The following ANKHD1 variants were observed in gnomAD, a reference collection of about 807,000 sequenced individuals.
ANKHD1 encodes the protein ankyrin repeat and KH domain containing 1, also known as ankyrin repeat and KH domain-containing protein 1.
ANKHD1 carries 31 observed loss-of-function variants against 230.5 expected under a neutral mutation model. The ratio of observed to expected loss-of-function variants is 0.13; its 90% CI spans 0.10 to 0.18. The LOEUF (loss-of-function observed/expected upper bound fraction) is 0.18, where lower values mean the gene tolerates loss of function less well. ANKHD1 is among the 10% of genes least tolerant of loss of function. ANKHD1 has a pLI of 1.00. For missense variants in ANKHD1, 2,256 were observed against 3,071.3 expected (o/e 0.73, Z 6.27); for synonymous variants, 1,074 against 1,117.6 (o/e 0.96, Z 0.78).
chr5:140,523,831 G>T (rs1333307835), intron 24 of ANKHD1, among the ~76,000 whole-genome samples: 2 of 151,332 alleles, frequency 1.3e-5, no homozygotes, highest in Non-Finnish European at 3.0e-5. Flanking sequence ...AAAGTGCTGG[G>T]ATTATAGGTG....
chr5:140,487,112 TA>T (rs770180813), intron 14 of ANKHD1, 52 bp downstream of exon 14: 1 of 1,553,368 alleles, frequency 6.4e-7, no homozygotes, highest in Non-Finnish European at 8.7e-7. Flanking sequence ...ACCTAATTGA[TA>T]AATCCAGAAA....
At chr5:140,477,945 G>A (rs1246149937) in intron 10 of ANKHD1, among the ~76,000 whole-genome samples, 1 of 152,126 alleles carries the variant, frequency 6.6e-6, no homozygotes, top group Non-Finnish European at 1.5e-5. Flanking sequence ...GGGGTTAAGA[G>A]GCAATACAGT....
At chr5:140,462,724 CA>C (rs70988762) in intron 9 of ANKHD1, among the ~76,000 whole-genome samples, 110 of 88,996 alleles carry the variant, frequency 1.2e-3, no homozygotes, top group Admixed American at 1.1e-3. Flanking sequence ...GACTCCATCT[CA>C]AAAAAAAAAA....
At chr5:140,494,765 T>A (rs1284002023) in intron 14 of ANKHD1, among the ~76,000 whole-genome samples, 1 of 152,232 alleles carries the variant, frequency 6.6e-6, no homozygotes, top group African/African-American at 2.4e-5. Flanking sequence ...TTGAGAATCA[T>A]TTTTAATACA....
intron 7 of ANKHD1, among the ~76,000 whole-genome samples, chr5:140,450,747 C>G (rs1774667883): frequency 6.6e-6 from 1 of 151,960 alleles, no homozygotes; most frequent in Non-Finnish European, 1.5e-5. Flanking sequence ...ACTATGTTGC[C>G]TAGGCTTTAA....
At chr5:140,438,030 C>T (rs75375491) in intron 2 of ANKHD1, among the ~76,000 whole-genome samples, 24 of 152,002 alleles carry the variant, frequency 1.6e-4, no homozygotes, top group Non-Finnish European at 3.5e-4. Context: ...TGGTTGTGAC[C>T]AAAGGAAGAA....
chr5:140,516,366 C>T (rs1180570094), intron 24 of ANKHD1, among the ~76,000 whole-genome samples: 1 of 152,202 alleles, frequency 6.6e-6, no homozygotes, highest in Non-Finnish European at 1.5e-5. Flanking sequence ...AGTTGGAAAA[C>T]ACTGCAGGAT....
intron 11 of ANKHD1, chr5:140,484,612 T>A (rs1269733984): frequency 6.6e-6 from 1 of 152,248 alleles, no homozygotes. Context: ...TTGAAACATT[T>A]TGAGTTATAT....
At chr5:140,445,357 A>G (rs1774198366) in intron 5 of ANKHD1, among the ~76,000 whole-genome samples, 1 of 151,886 alleles carries the variant, frequency 6.6e-6, no homozygotes, top group Admixed American at 6.6e-5. Flanking sequence ...ATACAAAATT[A>G]GTGGGGCATG....
intron 31 of ANKHD1, 89 bp from the exon 32 acceptor site, chr5:140,537,997 C>T (rs2127103465): frequency 2.0e-6 from 3 of 1,494,316 alleles, no homozygotes; most frequent in Admixed American, 2.3e-5. Context: ...ATTTCAGTAA[C>T]ATTTGGTCAT....
chr5:140,485,915 C>T lies in ANKHD1; in HGVS notation c.2142+183C>T, dbSNP rs1352810509. The T allele has an allele frequency of 1.1e-6, 1 of 899,002 alleles. No individual in the cohort carries two copies. The highest frequency in any genetic ancestry group is 1.6e-6 in the Non-Finnish European group (1 of 626,040). 55.7% of individuals were successfully genotyped at this position (899,002 alleles called of 1,614,324 possible). A position where few individuals can be genotyped will look rare whatever the true frequency, so the allele number is the denominator to read the frequency against. ...AAAGGTACACTGAAATTTGTTATTG[C>T]CTTATTTATTGAGAATAGTGGTTTT... On this transcript the variant is annotated intron_variant, in intron 13 of 33. Transcript: ENST00000360839. The surrounding 1 kb of genome is among the most constrained non-coding windows in gnomAD (Gnocchi z 4.8).
At position 140,529,268 on chromosome 5, in the gene ANKHD1, A is replaced by G; in HGVS notation, c.6322A>G (p.Thr2108Ala). 2 of 1,614,206 alleles carry G rather than the reference A, an allele frequency of 1.2e-6. No homozygotes were observed. The highest frequency in any genetic ancestry group is 1.7e-6 in the Non-Finnish European group (2 of 1,180,032). ...SNSEPAPLTL[T>A]SPRMVAADNQ... Reference sequence around the variant, plus strand: ...CTCAGAACCTGCTCCATTGACTTTGACATCACCCAGAATGGTTGCTGCTGA... The same window carrying G: ...CTCAGAACCTGCTCCATTGACTTTGGCATCACCCAGAATGGTTGCTGCTGA... The change falls in exon 29 of 34, where the codon ACA becomes GCA. Residue 2108 changes from threonine to alanine, a missense_variant. Thr to Ala is a moderately conservative substitution (Grantham distance 58). Transcript: ENST00000360839.
At chr5:140,445,368 G>A (rs893997942) in intron 5 of ANKHD1, among the ~76,000 whole-genome samples, 4 of 152,026 alleles carry the variant, frequency 2.6e-5, no homozygotes, top group African/African-American at 7.2e-5. Flanking sequence ...GTGGGGCATG[G>A]TGGTGGGCAC....
Position 140,535,534 on chromosome 5 carries a change from C to G in ANKHD1, c.7023C>G (p.Asn2341Lys), listed in dbSNP as rs1754030037. The change falls in exon 30 of 34, where the codon AAC becomes AAG. Residue 2341 changes from asparagine to lysine, a missense_variant. Asn to Lys is a moderately conservative substitution (Grantham distance 94, BLOSUM62 0). Coordinates refer to ENST00000360839, the MANE Select transcript of ANKHD1 (RefSeq NM_017747.3). The part of the protein sequence containing the change: ...FSPHPWTSAS[N>K]SSTSAPPTLG... ...CCCATCCTTGGACAAGCGCCTCAAA[C>G]TCATGTAGGAATCCTGGAGGAACTC... 6.3e-7 allele frequency: 1 copy of G among 1,590,444 alleles called. No individual in the cohort carries two copies. Among genetic ancestry groups the G allele is most frequent in the African/African-American group, 1.4e-5 (1 of 73,574 alleles).
chr5:140,461,524 A>AT (rs1775703428), intron 9 of ANKHD1, among the ~76,000 whole-genome samples: 1 of 152,078 alleles, frequency 6.6e-6, no homozygotes, highest in Non-Finnish European at 1.5e-5. Flanking sequence ...TTGTTATGGC[A>AT]TTTTTTCAAA....
At chr5:140,479,506 A>G (rs1031780756) in intron 10 of ANKHD1, among the ~76,000 whole-genome samples, 2 of 152,020 alleles carry the variant, frequency 1.3e-5, no homozygotes, top group African/African-American at 2.4e-5. Flanking sequence ...AAGTAGTACG[A>G]TGTATACAAA....
At chr5:140,419,364 GA>G (rs1383220816) in intron 1 of ANKHD1, among the ~76,000 whole-genome samples, 14 of 150,156 alleles carry the variant, frequency 9.3e-5, no homozygotes, top group South Asian at 2.1e-4. Context: ...TTTGTTTTAG[GA>G]AAAAAATTCT....
At chr5:140,538,833 G>T in intron 32 of ANKHD1, 86 bp from the exon 33 acceptor site, 1 of 1,286,132 alleles carries the variant, frequency 7.8e-7, no homozygotes, top group African/African-American at 1.5e-5. Context: ...GAATATTAGA[G>T]AAGTCTAAGC....
intron 14 of ANKHD1, among the ~76,000 whole-genome samples, chr5:140,491,791 G>T (rs1197949585): frequency 6.6e-6 from 1 of 151,980 alleles, no homozygotes; most frequent in Non-Finnish European, 1.5e-5. Flanking sequence ...TTAAGGGCAG[G>T]GTTTATGTTG....
Sources: allele counts gnomAD v4.1 joint callset (sites outside exome capture counted in the v4.1 genomes callset), GRCh38; gene constraint gnomAD v4.1.1; non-coding constraint Gnocchi (gnomAD v3.1); transcripts MANE v1.5; gene names NCBI Gene and HGNC (gene_info 2026-07-23, HGNC 2026-07-21).